CYP3A7: variants seen among roughly 807,000 people sequenced by gnomAD.
CYP3A7 encodes cytochrome P450 3A7.
A neutral mutation model predicts 55.2 loss-of-function variants in CYP3A7; 45 were observed. That is an observed-to-expected ratio of 0.82 (90% confidence interval 0.64 to 1.05). The LOEUF (loss-of-function observed/expected upper bound fraction) is 1.05. CYP3A7 is among the 50% of genes least tolerant of loss of function. The probability of loss-of-function intolerance (pLI) is 0.00; values close to 1 mark genes in which losing one functional copy is unlikely to be tolerated. For missense variants in CYP3A7, 548 were observed against 605.3 expected (o/e 0.91, Z 0.99); for synonymous variants, 180 against 207.4 (o/e 0.87, Z 1.13).
chr7:99,714,404 C>G (rs1283832540), intron 8 of CYP3A7, 151 bp downstream of exon 8: 1 of 1,311,710 alleles, frequency 7.6e-7, no homozygotes, highest in East Asian at 2.7e-5. Flanking sequence ...TTTCTGCATT[C>G]CTACCAAATG....
intron 1 of CYP3A7, among the ~76,000 whole-genome samples, chr7:99,734,429 G>A (rs1814748756): frequency 6.6e-6 from 1 of 152,006 alleles, no homozygotes; most frequent in Non-Finnish European, 1.5e-5. Flanking sequence ...TTGGTAAGCT[G>A]GGTACAAACC....
chr7:99,720,563 C>T, intron 3 of CYP3A7, 151 bp from the exon 4 acceptor site: 1 of 834,664 alleles, frequency 1.2e-6, no homozygotes, highest in South Asian at 1.7e-5. Flanking sequence ...TTAGGTATAA[C>T]TCACAGCAAG....
intron 2 of CYP3A7, 59 bp downstream of exon 2, chr7:99,731,000 G>A: frequency 6.3e-7 from 1 of 1,596,080 alleles, no homozygotes; most frequent in Non-Finnish European, 8.6e-7. Flanking sequence ...TTTTACTGAT[G>A]GAACTAAGTT....
At chr7:99,711,024 G>T in intron 9 of CYP3A7, 132 bp from the exon 10 acceptor site, 3 of 1,469,732 alleles carry the variant, frequency 2.0e-6, no homozygotes, top group Middle Eastern at 2.1e-4. Context: ...GAGTCTCACT[G>T]GGGGTGGTTT....
intron 10 of CYP3A7, among the ~76,000 whole-genome samples, chr7:99,709,766 TTA>T: frequency 9.3e-6 from 1 of 106,996 alleles, no homozygotes; most frequent in African/African-American, 2.8e-5. Flanking sequence ...AGGATTTGTA[TTA>T]TATATATGTG....
intron 3 of CYP3A7, chr7:99,721,108 A>G (rs1814181476): frequency 1.3e-5 from 2 of 152,778 alleles, no homozygotes; most frequent in South Asian, 4.1e-4. Context: ...CAGCTGCTGC[A>G]GTTGGCTGAG....
chr7:99,729,512 G>A (rs1407866765), intron 2 of CYP3A7, among the ~76,000 whole-genome samples: 1 of 152,064 alleles, frequency 6.6e-6, no homozygotes, highest in Admixed American at 6.6e-5. Context: ...AGGAATGTCA[G>A]GCCTCTGAGC....
At chr7:99,733,197 A>C (rs1814693560) in intron 1 of CYP3A7, among the ~76,000 whole-genome samples, 1 of 152,188 alleles carries the variant, frequency 6.6e-6, no homozygotes, top group African/African-American at 2.4e-5. Flanking sequence ...AGCCATGGAA[A>C]ATCAATGGCA....
intron 11 of CYP3A7, among the ~76,000 whole-genome samples, chr7:99,708,415 C>T (rs750157707): frequency 1.2e-4 from 19 of 152,010 alleles, no homozygotes; most frequent in Non-Finnish European, 2.2e-4. Flanking sequence ...CTTCTCCTCT[C>T]GTCTCTTGTT....
At chr7:99,728,764 AG>A (rs759157636) in intron 2 of CYP3A7, among the ~76,000 whole-genome samples, 2 of 152,222 alleles carry the variant, frequency 1.3e-5, no homozygotes, top group African/African-American at 2.4e-5. Context: ...TTGTAGGGTT[AG>A]GACTTTCTGC....
chr7:99,731,228 G>A, intron 1 of CYP3A7, 76 bp from the exon 2 acceptor site: 2 of 1,547,350 alleles, frequency 1.3e-6, no homozygotes, highest in East Asian at 2.3e-5. Flanking sequence ...CACTGACTGA[G>A]GAACTGGAAT....
At chr7:99,729,561 C>T (rs1232141278) in intron 2 of CYP3A7, among the ~76,000 whole-genome samples, 1 of 152,184 alleles carries the variant, frequency 6.6e-6, no homozygotes, top group Admixed American at 6.5e-5. Context: ...CCTGAGGCAA[C>T]TGAAAACTGC....
intron 3 of CYP3A7, among the ~76,000 whole-genome samples, chr7:99,722,029 A>G (rs781717820): frequency 2.0e-5 from 3 of 152,204 alleles, no homozygotes; most frequent in Non-Finnish European, 4.4e-5. Context: ...CAAAATCCAC[A>G]TGAAGTCCTC....
chr7:99,726,353 C>G (rs775838855), intron 2 of CYP3A7, among the ~76,000 whole-genome samples: 1 of 152,184 alleles, frequency 6.6e-6, no homozygotes, highest in Non-Finnish European at 1.5e-5. Context: ...CCTTATAATT[C>G]CCCCATCTTA....
intron 6 of CYP3A7, 61 bp downstream of exon 6, chr7:99,717,116 A>G (rs1813986259): frequency 2.5e-6 from 4 of 1,609,428 alleles, no homozygotes; most frequent in Non-Finnish European, 3.4e-6. Context: ...TATCAGCTCC[A>G]TAGCAGGCAG....
chr7:99,726,074 G>A (rs1016180401), intron 2 of CYP3A7, among the ~76,000 whole-genome samples: 8 of 151,986 alleles, frequency 5.3e-5, no homozygotes, highest in African/African-American at 1.7e-4. Flanking sequence ...ACTATTCCTG[G>A]ACTACAGCTA....
chr7:99,708,826 G>C (rs1363943382), intron 11 of CYP3A7, among the ~76,000 whole-genome samples: 1 of 152,112 alleles, frequency 6.6e-6, no homozygotes, highest in Non-Finnish European at 1.5e-5. Context: ...TTCATCTTAA[G>C]TTGCTGGGAC....
chr7:99,707,776 T>G (rs1197397310), intron 12 of CYP3A7, 36 bp downstream of exon 12: 1 of 1,613,064 alleles, frequency 6.2e-7, no homozygotes, highest in South Asian at 1.1e-5. Flanking sequence ...AAAATAATTG[T>G]TAATAAAACA....
intron 10 of CYP3A7, 55 bp from the exon 11 acceptor site, chr7:99,709,316 C>T: frequency 1.9e-6 from 3 of 1,581,128 alleles, no homozygotes; most frequent in Non-Finnish European, 2.6e-6. Context: ...TAACTTTTAA[C>T]TCAGTCCATG....
Sources: allele counts gnomAD v4.1 joint callset (sites outside exome capture counted in the v4.1 genomes callset), GRCh38; gene constraint gnomAD v4.1.1; transcripts MANE v1.5; gene names NCBI Gene and HGNC (gene_info 2026-07-23, HGNC 2026-07-21).